SECISBP2: variants seen among roughly 807,000 people sequenced by gnomAD.
The protein encoded by SECISBP2 is selenocysteine insertion sequence-binding protein 2.
A neutral mutation model predicts 98.2 loss-of-function variants in SECISBP2; 96 were observed. That is an observed-to-expected ratio of 0.98 (90% CI 0.83 to 1.16). SECISBP2 has a LOEUF of 1.16. Ranked by LOEUF, SECISBP2 falls within the 50% of genes most tolerant of loss-of-function variation. SECISBP2 has a pLI of 0.00. For missense variants in SECISBP2, 1,046 were observed against 1,022.9 expected, an observed-to-expected ratio of 1.02 and a Z score of -0.31; for synonymous variants, 407 against 370.2, an observed-to-expected ratio of 1.10 and a Z score of -1.14.
intron 7 of SECISBP2, among the ~76,000 whole-genome samples, chr9:89,336,766 C>CTTTTTTTTTTT (rs1167993596): frequency 1.3e-5 from 1 of 75,202 alleles, no homozygotes; most frequent in Non-Finnish European, 2.3e-5. Context: ...CTGTCTAATT[C>CTTTTTTTTTTT]TTTTTTTTTT....
chr9:89,345,058 C>G (rs1224208182), intron 10 of SECISBP2, among the ~76,000 whole-genome samples: 1 of 152,182 alleles, frequency 6.6e-6, no homozygotes, highest in African/African-American at 2.4e-5. Context: ...GCAACAAATT[C>G]TCATGGTCTT....
chr9:89,362,575 T>C (rs1458982570), downstream of SECISBP2: 1 of 1,418,158 alleles, frequency 7.1e-7, no homozygotes, highest in African/African-American at 1.4e-5. Context: ...AGTCTAAAGA[T>C]CCAAATGCCA....
intron 6 of SECISBP2, among the ~76,000 whole-genome samples, chr9:89,333,310 C>G (rs1047962026): frequency 5.3e-5 from 8 of 152,172 alleles, no homozygotes; most frequent in African/African-American, 1.9e-4. Flanking sequence ...ATTGAGAACC[C>G]CAAAGAGCTC....
intron 11 of SECISBP2, among the ~76,000 whole-genome samples, chr9:89,347,465 CTTTT>C (rs1184563393): frequency 4.6e-5 from 4 of 87,394 alleles, no homozygotes; most frequent in Non-Finnish European, 4.4e-5. Flanking sequence ...CCGGTGAATT[CTTTT>C]TTTTTTTTTT....
chr9:89,356,748 C>G (rs1832149310), intron 14 of SECISBP2: 1 of 152,862 alleles, frequency 6.5e-6, no homozygotes, highest in African/African-American at 2.4e-5. Context: ...TTGAAAAATT[C>G]ATTCCTACCA....
intron 8 of SECISBP2, among the ~76,000 whole-genome samples, chr9:89,339,071 A>G (rs1829251690): frequency 6.6e-6 from 1 of 152,232 alleles, no homozygotes; most frequent in South Asian, 2.1e-4. Flanking sequence ...ATGATACTCC[A>G]AGTATGTCAT....
intron 3 of SECISBP2, 23 bp downstream of exon 3, chr9:89,325,699 T>A: frequency 6.2e-7 from 1 of 1,613,948 alleles, no homozygotes; most frequent in Non-Finnish European, 8.5e-7. Flanking sequence ...GTTGTTTTGT[T>A]GTGTCCTTTA....
chr9:89,357,016 C>G (rs1276173091), intron 14 of SECISBP2: 1 of 329,338 alleles, frequency 3.0e-6, no homozygotes, highest in Non-Finnish European at 5.9e-6. Flanking sequence ...CCCTCGGGAG[C>G]CAGACCTGTG....
chr9:89,360,294 T>TC (rs1336051391), downstream of SECISBP2, among the ~76,000 whole-genome samples: 1 of 152,124 alleles, frequency 6.6e-6, no homozygotes, highest in Non-Finnish European at 1.5e-5. Flanking sequence ...TGCTTCCTCC[T>TC]CCCCTCATCA....
intron 2 of SECISBP2, among the ~76,000 whole-genome samples, chr9:89,321,713 T>C (rs1825842327): frequency 6.6e-6 from 1 of 152,178 alleles, no homozygotes; most frequent in African/African-American, 2.4e-5. Context: ...AGCTTTGGTT[T>C]ATGACCAAGG....
At position 89,319,815 on chromosome 9, in the gene SECISBP2, A is replaced by G. The variant is rs1825392392; in HGVS notation, c.182+18A>G. On this transcript the variant is annotated intron_variant, in intron 2 of 16. Transcript: ENST00000375807. The stretch of plus-strand genomic sequence containing the variant: ...GTGACAGAGTATGTATCTTTCTAAA[A>G]GTCTTACCTAGGGGCTTACATTTTG... 6.2e-7 allele frequency: 1 copy of G among 1,613,162 alleles called. No homozygotes were observed. Among genetic ancestry groups the G allele is most frequent in the Non-Finnish European group, 8.5e-7 (1 of 1,179,388 alleles).
chr9:89,344,163 T>C (rs1267522848), intron 10 of SECISBP2, among the ~76,000 whole-genome samples: 1 of 152,026 alleles, frequency 6.6e-6, no homozygotes, highest in African/African-American at 2.4e-5. Context: ...TTTAATGGGG[T>C]TTTTTTTCTT....
intron 5 of SECISBP2, chr9:89,332,665 T>C: frequency 1.9e-6 from 1 of 529,542 alleles, no homozygotes; most frequent in South Asian, 2.1e-5. Flanking sequence ...GACATAAGTT[T>C]TCACCTCCTT....
chr9:89,338,502 A>T lies in SECISBP2; in HGVS notation c.1134A>T (p.Ser378=), dbSNP rs1273736896. ...GTGACCTTGAACAAAATGAAGCCTC[A>T]AGAAAGAATAAGAAAAAGAAAGAAA... The part of the protein sequence containing the change: ...QGSDLEQNEA[S]RKNKKKKEKS... Residue 378 remains serine (S), a synonymous_variant, in exon 8 of 17, where the codon TCA becomes TCT. Coordinates refer to ENST00000375807, the MANE Select transcript of SECISBP2 (RefSeq NM_024077.5). The T allele has an allele frequency of 1.2e-6, 2 of 1,613,524 alleles. No homozygotes were observed. The highest frequency in any genetic ancestry group is 2.2e-5 in the South Asian group (2 of 90,940).
chr9:89,363,940 G>A (rs1388862637), downstream of SECISBP2: 3 of 1,614,088 alleles, frequency 1.9e-6, no homozygotes, highest in South Asian at 1.1e-5. Flanking sequence ...CAAAGCGAAT[G>A]TCTGCAGGAC....
Position 89,344,674 on chromosome 9 carries a change from TG to T in SECISBP2, c.1436-2207del, listed in dbSNP as rs559041710. The stretch of plus-strand genomic sequence containing the variant: ...TAGAGTACACTTTTGATTTCTTTGT[TG>T]TTTTTTTTAACTTTAGTTTGAAAAA... On this transcript the variant is annotated intron_variant, in intron 10 of 16. Coordinates refer to ENST00000375807, the MANE Select transcript of SECISBP2 (RefSeq NM_024077.5). Among the ~76,000 whole-genome samples, 602 of 152,344 alleles carry T rather than the reference TG, an allele frequency of 4.0e-3. 6 individuals carry two copies. The highest frequency in any genetic ancestry group is 0.013 in the African/African-American group (550 of 41,578).
chr9:89,355,329 G>A, intron 14 of SECISBP2: 1 of 985,448 alleles, frequency 1.0e-6, no homozygotes, highest in South Asian at 4.7e-5. Context: ...TAACTCGAAA[G>A]CATATGCTGT....
Position 89,338,604 on chromosome 9 carries a change from A to G in SECISBP2, c.1212+24A>G, listed in dbSNP as rs1355485201. ...AAGTACATTTATATTTTTTATTCACATGGTGTGATATAATAAGTGGGTCTT... is the reference window on the plus strand; with the variant it reads ...AAGTACATTTATATTTTTTATTCACGTGGTGTGATATAATAAGTGGGTCTT... On this transcript the variant is annotated intron_variant, in intron 8 of 16. Transcript: ENST00000375807. 6.8e-6 allele frequency: 11 copies of G among 1,606,880 alleles called. No homozygotes were observed. The Middle Eastern group carries it at 1.1e-3, about 167-fold the overall frequency.
chr9:89,358,020 G>A lies in SECISBP2; in HGVS notation c.2290G>A (p.Glu764Lys). ...CAAGGATCAGTTCCACAAGATGGTT[G>A]AGCTGACAGTGGCGGCCCGACAGGC... ...GAQDQFHKMVELTVAARQAYK... is the reference protein window; with the variant it reads ...GAQDQFHKMVKLTVAARQAYK... Residue 764 changes from glutamate (E) to lysine (K), a missense_variant, in exon 16 of 17, where the codon GAG becomes AAG. Coordinates refer to ENST00000375807, the MANE Select transcript of SECISBP2 (RefSeq NM_024077.5). 6.2e-7 allele frequency: 1 copy of A among 1,613,286 alleles called. No homozygotes were observed. Among genetic ancestry groups the A allele is most frequent in the Non-Finnish European group, 8.5e-7 (1 of 1,179,998 alleles).
Sources: gnomAD v4.1 joint callset for allele counts (sites outside exome capture counted in the v4.1 genomes callset) on GRCh38, gnomAD v4.1.1 for gene constraint, MANE v1.5 for transcripts, NCBI Gene and HGNC (gene_info 2026-07-23, HGNC 2026-07-21) for gene names.